Variants in GABPA observed in about 807,000 individuals in gnomAD.
GABPA encodes GA-binding protein alpha chain.
GABPA carries 4 observed loss-of-function variants against 59.4 expected under a neutral mutation model. The ratio of observed to expected loss-of-function variants is 0.07; its 90% CI spans 0.03 to 0.15. The LOEUF is 0.15. Ranked by LOEUF, GABPA falls within the 10% of genes least tolerant of loss-of-function variation. GABPA has a pLI of 1.00. For synonymous variants in GABPA, 164 were observed against 183.1 expected (o/e 0.90, Z 0.84); for missense variants, 251 against 543.8 (o/e 0.46, Z 5.36).
At position 25,741,745 on chromosome 21, in the gene GABPA, C is replaced by T. The variant is rs957632984; in HGVS notation, c.77+70C>T. ...ACCTAATTAAAACCAGGAAACAAGT[C>T]ATAGTTCTTTTGGACTGTCTTTTTT... On this transcript the variant is annotated intron_variant, in intron 2 of 9. Coordinates refer to ENST00000400075, the MANE Select transcript of GABPA (RefSeq NM_002040.4). The T allele has an allele frequency of 5.1e-6, 5 of 971,230 alleles. No homozygotes were observed. The South Asian group carries it at 6.1e-5, about 12-fold the overall frequency. The allele number at this position is 971,230 out of a possible 1,614,324, so 60.2% of individuals were successfully genotyped here.
At chr21:25,748,274 C>T (rs181639521) in intron 3 of GABPA, among the ~76,000 whole-genome samples, 7 of 152,136 alleles carry the variant, frequency 4.6e-5, no homozygotes, top group Admixed American at 2.6e-4. Context: ...TGTGCCATGA[C>T]GACACCATCA....
At chr21:25,761,740 C>T (rs984832745) in intron 6 of GABPA, among the ~76,000 whole-genome samples, 1 of 152,076 alleles carries the variant, frequency 6.6e-6, no homozygotes, top group African/African-American at 2.4e-5. Context: ...ATCTCAGGAC[C>T]TTTATAGTAT....
rs538692894 is a variant in GABPA, at chr21:25,772,300, C to T, written c.*3068C>T. The T allele has an allele frequency of 3.3e-5, 5 of 152,062 alleles. No individual in the cohort carries two copies. In the East Asian group the frequency reaches 7.7e-4, roughly 23 times the overall value. 9.4% of individuals were successfully genotyped at this position (152,062 alleles called of 1,614,324 possible). On this transcript the variant is annotated 3_prime_UTR_variant, in exon 10 of 10. Transcript: ENST00000400075. ...ATTTTTACTCTTTAAATAACGACAA[C>T]GACACTTATACTGTCATAATAACAA... is the stretch of plus-strand genomic sequence containing the variant.
intron 4 of GABPA, among the ~76,000 whole-genome samples, chr21:25,751,703 TGTG>T (rs1163254984): frequency 6.6e-6 from 1 of 152,126 alleles, no homozygotes; most frequent in Non-Finnish European, 1.5e-5. Flanking sequence ...TTTATTTTAT[TGTG>T]GTAAGAACTG....
intron 3 of GABPA, among the ~76,000 whole-genome samples, chr21:25,746,500 A>G (rs1194339921): frequency 6.6e-6 from 1 of 152,188 alleles, no homozygotes; most frequent in Admixed American, 6.5e-5. Context: ...ACTATTTTTA[A>G]TAAGATATTG....
intron 1 of GABPA, among the ~76,000 whole-genome samples, 169 bp from the exon 2 acceptor site, chr21:25,741,404 G>A (rs545540696): frequency 1.4e-4 from 22 of 151,898 alleles, no homozygotes; most frequent in African/African-American, 5.3e-4. Flanking sequence ...AAAGTCCTGG[G>A]ATTAGAGACA....
At chr21:25,755,586 A>G (rs2035616868) in intron 5 of GABPA, among the ~76,000 whole-genome samples, 1 of 152,036 alleles carries the variant, frequency 6.6e-6, no homozygotes, top group Non-Finnish European at 1.5e-5. Context: ...CTGGAAAAGG[A>G]AGTAGAGCAG....
chr21:25,756,868 T>C (rs1318359035), intron 5 of GABPA, among the ~76,000 whole-genome samples: 2 of 152,226 alleles, frequency 1.3e-5, no homozygotes, highest in East Asian at 3.8e-4. Context: ...ACCATCTTCC[T>C]AGAATCCTCA....
Position 25,758,156 on chromosome 21 carries a change from G to T in GABPA, c.700G>T (p.Val234Phe), listed in dbSNP as rs765237436. Residue 234 changes from valine to phenylalanine, a missense_variant, in exon 6 of 10, where the codon GTT (valine) becomes TTT (phenylalanine). By Grantham distance (50) the Val-to-Phe change is conservative. Around this residue, in one of 4 missense-constraint regions of GABPA, gnomAD observed 207 missense variants for 366.7 expected, o/e 0.56. Coordinates refer to ENST00000400075, the MANE Select transcript of GABPA (RefSeq NM_002040.4). ...SLNQEDFFQR[V>F]PRGEILWSHL... ...CAACCAAGAAGATTTTTTTCAGCGG[G>T]TTCCTCGGGGAGAAATTCTCTGGAG... The T allele has an allele frequency of 1.9e-6, 3 of 1,608,668 alleles. No individual in the cohort carries two copies. The East Asian group carries it at 6.7e-5, about 36-fold the overall frequency.
intron 5 of GABPA, among the ~76,000 whole-genome samples, chr21:25,756,912 T>C (rs1313693613): frequency 6.6e-6 from 1 of 152,194 alleles, no homozygotes; most frequent in East Asian, 1.9e-4. Flanking sequence ...TTAAAATATA[T>C]ATTCTGTGGC....
At chr21:25,761,868 A>G (rs1251343245) in intron 6 of GABPA, among the ~76,000 whole-genome samples, 1 of 152,224 alleles carries the variant, frequency 6.6e-6, no homozygotes, top group African/African-American at 2.4e-5. Context: ...TATAAAGCTT[A>G]AGCAGCTTTA....
chr21:25,760,672 T>G (rs948340901), intron 6 of GABPA, among the ~76,000 whole-genome samples: 4 of 152,144 alleles, frequency 2.6e-5, no homozygotes, highest in Non-Finnish European at 4.4e-5. Flanking sequence ...AGGGTTTTAT[T>G]TAGGAAAAAT....
At chr21:25,741,504 C>T (rs2035220780) in intron 1 of GABPA, 69 bp from the exon 2 acceptor site, 1 of 716,990 alleles carries the variant, frequency 1.4e-6, no homozygotes, top group Non-Finnish European at 2.2e-6. Flanking sequence ...TGGATTGGGT[C>T]TCTACTTCTT....
chr21:25,765,387 G>A (rs10482969), intron 9 of GABPA, among the ~76,000 whole-genome samples: 15,629 of 151,832 alleles, frequency 0.1, 1,004 homozygotes, highest in East Asian at 0.3. Flanking sequence ...TGCAATTCAC[G>A]AGTTTTTCTA....
chr21:25,768,416 AAAG>A (rs1436832576), intron 9 of GABPA, among the ~76,000 whole-genome samples: 11 of 152,078 alleles, frequency 7.2e-5, no homozygotes, highest in African/African-American at 9.7e-5. Flanking sequence ...ACAAGACAGA[AAAG>A]AAGTGGAATA....
In GABPA at chr21:25,771,715, GTCA is replaced by G. The variant is rs1404286791; in HGVS notation, c.*2488_*2490del. On this transcript the variant is annotated 3_prime_UTR_variant, in exon 10 of 10. Transcript: ENST00000400075. ...CAAAGGAAGAAAGATAAAATTATTG[GTCA>G]TCATTTGTACCTTAGAAGTACAAGA... 3.3e-5 allele frequency: 5 copies of G among 151,838 alleles called. No homozygotes were observed. The highest frequency in any genetic ancestry group is 2.1e-4 in the South Asian group (1 of 4,822). The allele number at this position is 151,838 out of a possible 1,614,324, so 9.4% of individuals were successfully genotyped here.
chr21:25,754,943 T>C (rs2035598246), intron 5 of GABPA, among the ~76,000 whole-genome samples: 1 of 151,690 alleles, frequency 6.6e-6, no homozygotes, highest in Non-Finnish European at 1.5e-5. Context: ...CCCAGCTACT[T>C]GGGAGGCTGA....
intron 3 of GABPA, among the ~76,000 whole-genome samples, chr21:25,748,203 G>T (rs998827082): frequency 1.3e-5 from 2 of 152,210 alleles, no homozygotes; most frequent in South Asian, 4.1e-4. Context: ...ACCATGCCCA[G>T]CCGTACACAG....
intron 6 of GABPA, among the ~76,000 whole-genome samples, chr21:25,759,497 G>T (rs545502475): frequency 6.6e-6 from 1 of 152,228 alleles, no homozygotes; most frequent in African/African-American, 2.4e-5. Context: ...CTTGAGATGA[G>T]GAGTTGAAAG....
Sources: allele counts gnomAD v4.1 joint callset (sites outside exome capture counted in the v4.1 genomes callset), GRCh38; gene constraint gnomAD v4.1.1; regional missense constraint gnomAD v4.1.1; transcripts MANE v1.5; gene names NCBI Gene and HGNC (gene_info 2026-07-23, HGNC 2026-07-21).